OR1J2: variants seen among roughly 807,000 people sequenced by gnomAD.
OR1J2 encodes the protein olfactory receptor 1J2.
For synonymous variants in OR1J2, 142 were observed against 99.7 expected, an observed-to-expected ratio of 1.42 and a Z score of -2.52; for missense variants, 304 against 246.1, an observed-to-expected ratio of 1.24 and a Z score of -1.57.
At chr9:122,557,787 A>G in the OR1J2 span, among the ~76,000 whole-genome samples, 35 of 152,200 alleles carry the variant, frequency 2.3e-4, no homozygotes, top group East Asian at 6.7e-3. Context: ...GAGAATTGGC[A>G]TACATTCTTC....
At chr9:122,537,261 A>C in the OR1J2 span, among the ~76,000 whole-genome samples, 4 of 152,338 alleles carry the variant, frequency 2.6e-5, no homozygotes, top group African/African-American at 7.2e-5. Context: ...GGAGTTTCAC[A>C]ATGTTCTGCT....
At chr9:122,510,770 C>A, upstream of OR1J2, 3 of 1,190,530 alleles carry the variant, frequency 2.5e-6, no homozygotes, top group Non-Finnish European at 3.6e-6. Context: ...TATTCTCAAG[C>A]ATTCTTCATC....
the OR1J2 span, among the ~76,000 whole-genome samples, chr9:122,493,507 C>G: frequency 6.6e-6 from 1 of 152,008 alleles, no homozygotes; most frequent in Non-Finnish European, 1.5e-5. Flanking sequence ...TCATAGTATC[C>G]TTGAATGATC....
the OR1J2 span, among the ~76,000 whole-genome samples, chr9:122,521,091 C>T: frequency 6.6e-6 from 1 of 152,216 alleles, no homozygotes; most frequent in Non-Finnish European, 1.5e-5. Flanking sequence ...TCCTTTGAAC[C>T]TCAATTTCTT....
chr9:122,574,219 T>C, the OR1J2 span, among the ~76,000 whole-genome samples: 16,875 of 152,248 alleles, frequency 0.11, 1,136 homozygotes, highest in South Asian at 0.19. Flanking sequence ...AACTTTAGAA[T>C]TAGTTTTTTA....
the OR1J2 span, among the ~76,000 whole-genome samples, chr9:122,530,087 G>T: frequency 6.6e-6 from 1 of 152,178 alleles, no homozygotes; most frequent in Non-Finnish European, 1.5e-5. Context: ...TATATTTAAG[G>T]GGGTTAAGGG....
the OR1J2 span, among the ~76,000 whole-genome samples, chr9:122,538,949 C>G: frequency 5.3e-5 from 8 of 152,130 alleles, no homozygotes; most frequent in African/African-American, 1.9e-4. Flanking sequence ...GACCAGTTCA[C>G]TAGAAGCCCA....
the OR1J2 span, among the ~76,000 whole-genome samples, chr9:122,452,211 G>C: frequency 1.3e-5 from 2 of 152,134 alleles, no homozygotes; most frequent in East Asian, 3.9e-4. Flanking sequence ...TCAGGTTCCA[G>C]GTATCACTGT....
chr9:122,460,512 G>A, the OR1J2 span, among the ~76,000 whole-genome samples: 1 of 152,070 alleles, frequency 6.6e-6, no homozygotes, highest in East Asian at 1.9e-4. Context: ...TGGTGACTAT[G>A]GCCTTATAGT....
At chr9:122,477,352 G>A in the OR1J2 span, 4 of 1,614,040 alleles carry the variant, frequency 2.5e-6, no homozygotes, top group Non-Finnish European at 2.5e-6. Flanking sequence ...ATTGAGGGAG[G>A]TGTCTGAGCA....
chr9:122,526,670 G>C, the OR1J2 span: 1 of 1,614,190 alleles, frequency 6.2e-7, no homozygotes, highest in African/African-American at 1.3e-5. Flanking sequence ...TGCATAAAAA[G>C]GGGACGATGA....
chr9:122,484,440 G>A, the OR1J2 span, among the ~76,000 whole-genome samples: 1 of 152,152 alleles, frequency 6.6e-6, no homozygotes, highest in Non-Finnish European at 1.5e-5. Flanking sequence ...GATTGCAGGT[G>A]TGAGCCACTG....
At chr9:122,484,315 C>A in the OR1J2 span, among the ~76,000 whole-genome samples, 10 of 152,030 alleles carry the variant, frequency 6.6e-5, no homozygotes, top group Admixed American at 2.6e-4. Flanking sequence ...GCACGCACCA[C>A]CATGCCGAGC....
At chr9:122,496,760 AT>A in the OR1J2 span, among the ~76,000 whole-genome samples, 2 of 152,106 alleles carry the variant, frequency 1.3e-5, no homozygotes, top group Non-Finnish European at 2.9e-5. Context: ...AAATGGTTGC[AT>A]TTTTTGAGTT....
At chr9:122,573,830 A>G in the OR1J2 span, among the ~76,000 whole-genome samples, 5 of 152,312 alleles carry the variant, frequency 3.3e-5, no homozygotes, top group Admixed American at 6.5e-5. Flanking sequence ...ACCCAAGATC[A>G]TCTAGATTTT....
At chr9:122,526,556 A>G in the OR1J2 span, 1 of 1,612,866 alleles carries the variant, frequency 6.2e-7, no homozygotes. Flanking sequence ...AGAACACACA[A>G]ACAACGCAGA....
the OR1J2 span, among the ~76,000 whole-genome samples, chr9:122,484,906 C>T: frequency 1.3e-5 from 2 of 151,988 alleles, no homozygotes; most frequent in African/African-American, 4.8e-5. Context: ...TGGTGGTATG[C>T]GCCTGTGGTC....
the OR1J2 span, among the ~76,000 whole-genome samples, chr9:122,502,833 A>C: frequency 6.6e-6 from 1 of 152,198 alleles, no homozygotes; most frequent in Non-Finnish European, 1.5e-5. Flanking sequence ...AAGATACCAG[A>C]AACATAAATG....
the OR1J2 span, among the ~76,000 whole-genome samples, chr9:122,544,292 T>C: frequency 1.3e-5 from 2 of 151,988 alleles, no homozygotes; most frequent in Admixed American, 1.3e-4. Flanking sequence ...TTAATAAATA[T>C]AGGAATATTC....
Sources: gnomAD v4.1 joint callset for allele counts (sites outside exome capture counted in the v4.1 genomes callset) on GRCh38, gnomAD v4.1.1 for gene constraint, MANE v1.5 for transcripts, NCBI Gene and HGNC (gene_info 2026-07-23, HGNC 2026-07-21) for gene names.